PRKAG2: variants seen among roughly 807,000 people sequenced by gnomAD.
The protein encoded by PRKAG2 is protein kinase AMP-activated non-catalytic subunit gamma 2.
In PRKAG2, 26 loss-of-function variants were observed where a neutral mutation model predicts 69.6. The ratio of observed to expected loss-of-function variants is 0.37; its 90% CI spans 0.27 to 0.52. The LOEUF (loss-of-function observed/expected upper bound fraction) is 0.52, where lower values mean the gene tolerates loss of function less well. Among genes scored for constraint, PRKAG2 ranks in the 20% least tolerant of loss-of-function variants. The pLI is 0.90. For missense variants in PRKAG2, 557 were observed against 740.0 expected (o/e 0.75, Z 2.87); for synonymous variants, 293 against 285.0 (o/e 1.03, Z -0.28).
intron 7 of PRKAG2, among the ~76,000 whole-genome samples, chr7:151,575,383 T>A (rs1808642440): frequency 6.6e-6 from 1 of 152,190 alleles, no homozygotes; most frequent in African/African-American, 2.4e-5. Flanking sequence ...ATTTATTGAG[T>A]GCTTTTGACG....
chr7:151,800,302 G>A (rs979231057), intron 1 of PRKAG2, among the ~76,000 whole-genome samples: 1 of 150,562 alleles, frequency 6.6e-6, no homozygotes, highest in African/African-American at 2.5e-5. Flanking sequence ...AGCTTGCAGT[G>A]AGCTGAGATC....
At chr7:151,863,049 G>A (rs914037823) in intron 1 of PRKAG2, among the ~76,000 whole-genome samples, 26 of 144,548 alleles carry the variant, frequency 1.8e-4, no homozygotes, top group African/African-American at 6.3e-4. Context: ...GTCCTGGGGT[G>A]CAGGGGGCGC....
At chr7:151,677,434 T>G (rs1233566356) in intron 3 of PRKAG2, among the ~76,000 whole-genome samples, 1 of 152,238 alleles carries the variant, frequency 6.6e-6, no homozygotes, top group East Asian at 1.9e-4. Flanking sequence ...TCAAGTGATC[T>G]GCCTGCCCCG....
chr7:151,786,029 C>T (rs1171063362), intron 2 of PRKAG2, among the ~76,000 whole-genome samples: 1 of 152,202 alleles, frequency 6.6e-6, no homozygotes, highest in Non-Finnish European at 1.5e-5. Context: ...GAGGGTGCAA[C>T]ACGAGGTGGA....
intron 6 of PRKAG2, among the ~76,000 whole-genome samples, chr7:151,578,076 C>T (rs980717141): frequency 1.3e-5 from 2 of 151,760 alleles, no homozygotes; most frequent in African/African-American, 4.8e-5. Flanking sequence ...CACAGTGGCC[C>T]ACGCCTGTAA....
At chr7:151,654,297 G>T (rs1056259512) in intron 4 of PRKAG2, among the ~76,000 whole-genome samples, 9 of 152,134 alleles carry the variant, frequency 5.9e-5, no homozygotes, top group Admixed American at 5.9e-4. Context: ...CGCCTTCTGT[G>T]CTGCAGTCTT....
At chr7:151,725,233 C>T (rs561796825) in intron 3 of PRKAG2, among the ~76,000 whole-genome samples, 1 of 152,198 alleles carries the variant, frequency 6.6e-6, no homozygotes, top group Admixed American at 6.5e-5. Flanking sequence ...CACCCGCCAC[C>T]CACACACACG....
intron 3 of PRKAG2, among the ~76,000 whole-genome samples, chr7:151,750,648 G>A (rs1040955526): frequency 6.6e-6 from 1 of 152,146 alleles, no homozygotes; most frequent in African/African-American, 2.4e-5. Context: ...TCCATTTGGG[G>A]TGATGAAACA....
chr7:151,747,400 T>C (rs916047792), intron 3 of PRKAG2, among the ~76,000 whole-genome samples: 1 of 152,060 alleles, frequency 6.6e-6, no homozygotes, highest in Admixed American at 6.5e-5. Flanking sequence ...CTACTAAAAA[T>C]ACAAAAATTA....
chr7:151,845,234 G>A (rs1176039060), intron 1 of PRKAG2, among the ~76,000 whole-genome samples: 1 of 152,002 alleles, frequency 6.6e-6, no homozygotes, highest in African/African-American at 2.4e-5. Flanking sequence ...GAGCCAGGAT[G>A]GGACTCATTT....
intron 9 of PRKAG2, chr7:151,572,435 C>T: frequency 2.7e-6 from 1 of 371,984 alleles, no homozygotes; most frequent in South Asian, 4.5e-5. Context: ...AGGATAAGGC[C>T]TTGCCTGCTG....
chr7:151,735,908 C>T, intron 3 of PRKAG2: 1 of 1,536,314 alleles, frequency 6.5e-7, no homozygotes. Context: ...ACCGAAAAGG[C>T]CATGAGGCTC....
chr7:151,735,091 G>T lies in PRKAG2; in HGVS notation c.466+46061C>A, dbSNP rs140516437. On this transcript the variant is annotated intron_variant, in intron 3 of 15. Coordinates refer to ENST00000287878, the MANE Select transcript of PRKAG2 (RefSeq NM_016203.4). Reference sequence around the variant, plus strand: ...GGCTGGTCTCGAACTCCTGACCTCAGGTGATCCGCCTGTTTTGGTCTCCCA... The same window carrying T: ...GGCTGGTCTCGAACTCCTGACCTCATGTGATCCGCCTGTTTTGGTCTCCCA... 4.0e-3 allele frequency among the ~76,000 whole-genome samples: 606 copies of T among 152,096 alleles called. 4 individuals are homozygous for T. The highest frequency in any genetic ancestry group is 0.014 in the African/African-American group (583 of 41,488).
chr7:151,660,029 A>G (rs1830082522), intron 4 of PRKAG2, among the ~76,000 whole-genome samples: 1 of 152,238 alleles, frequency 6.6e-6, no homozygotes, highest in Non-Finnish European at 1.5e-5. Context: ...ACTGTACTCC[A>G]GCCTGGGTGA....
chr7:151,575,024 A>G (rs1808550674), intron 7 of PRKAG2, 75 bp from the exon 8 acceptor site: 1 of 1,582,740 alleles, frequency 6.3e-7, no homozygotes, highest in Non-Finnish European at 8.6e-7. Flanking sequence ...AAGTGAGCCT[A>G]GAATATATGC....
At chr7:151,826,184 T>C (rs2078901620) in intron 1 of PRKAG2, among the ~76,000 whole-genome samples, 1 of 150,186 alleles carries the variant, frequency 6.7e-6, no homozygotes, top group South Asian at 2.1e-4. Flanking sequence ...CTTTTTTTTT[T>C]GTTGTTGTTT....
At chr7:151,815,713 C>T (rs1376495706) in intron 1 of PRKAG2, among the ~76,000 whole-genome samples, 2 of 152,158 alleles carry the variant, frequency 1.3e-5, no homozygotes, top group African/African-American at 4.8e-5. Flanking sequence ...TCTTCCTGTA[C>T]CTGATTACAA....
chr7:151,859,157 G>A (rs1335999600), intron 1 of PRKAG2, among the ~76,000 whole-genome samples: 1 of 152,252 alleles, frequency 6.6e-6, no homozygotes, highest in Non-Finnish European at 1.5e-5. Context: ...GCAAACAGCC[G>A]ATACCACATC....
chr7:151,874,228 GTA>G (rs1174657724), intron 1 of PRKAG2, among the ~76,000 whole-genome samples: 1 of 122,788 alleles, frequency 8.1e-6, no homozygotes, highest in East Asian at 2.4e-4. Context: ...TGATGTATAT[GTA>G]TATGATGTAT....
Sources: allele counts gnomAD v4.1 joint callset (sites outside exome capture counted in the v4.1 genomes callset), GRCh38; gene constraint gnomAD v4.1.1; transcripts MANE v1.5; gene names NCBI Gene and HGNC (gene_info 2026-07-23, HGNC 2026-07-21).